The following FBXL17 variants were observed in gnomAD, a reference collection of about 807,000 sequenced individuals.
FBXL17 encodes the protein F-box/LRR-repeat protein 17.
A neutral mutation model predicts 66.2 loss-of-function variants in FBXL17; 22 were observed. That is an observed-to-expected ratio of 0.33 (90% CI 0.24 to 0.47). The LOEUF (loss-of-function observed/expected upper bound fraction) is 0.47, where lower values mean the gene tolerates loss of function less well. FBXL17 is among the 20% of genes least tolerant of loss of function. The pLI, the probability that FBXL17 is intolerant of heterozygous loss-of-function variation, is 1.00. For synonymous variants in FBXL17, 474 were observed against 400.5 expected (o/e 1.18, Z -2.19); for missense variants, 878 against 948.2 (o/e 0.93, Z 0.97).
intron 5 of FBXL17, 143 bp from the exon 6 acceptor site, chr5:108,186,390 T>C (rs1369717372): frequency 1.6e-6 from 1 of 621,532 alleles, no homozygotes; most frequent in African/African-American, 1.8e-5. Flanking sequence ...TTAAAGATAT[T>C]GTATATGTAA....
At chr5:107,925,991 G>C (rs1444491483) in intron 7 of FBXL17, among the ~76,000 whole-genome samples, 1 of 152,136 alleles carries the variant, frequency 6.6e-6, no homozygotes, top group African/African-American at 2.4e-5. Flanking sequence ...GATAAACAAA[G>C]CATCTAACAT....
chr5:108,100,254 T>A (rs963396346), intron 6 of FBXL17, among the ~76,000 whole-genome samples: 1 of 152,178 alleles, frequency 6.6e-6, no homozygotes, highest in Non-Finnish European at 1.5e-5. Flanking sequence ...AAACATTTCA[T>A]CCTATGAAAC....
chr5:108,008,153 C>A (rs1410302143), intron 7 of FBXL17, among the ~76,000 whole-genome samples: 2 of 152,154 alleles, frequency 1.3e-5, no homozygotes, highest in African/African-American at 4.8e-5. Context: ...AAAGCTGTGA[C>A]AACAAAGAAA....
chr5:108,379,445 G>C (rs566081674), intron 1 of FBXL17, among the ~76,000 whole-genome samples: 1 of 152,246 alleles, frequency 6.6e-6, no homozygotes, highest in South Asian at 2.1e-4. Flanking sequence ...ATTACATTTT[G>C]ACACAAGGAA....
intron 3 of FBXL17, among the ~76,000 whole-genome samples, chr5:108,355,233 A>T (rs1042303885): frequency 3.3e-5 from 5 of 151,700 alleles, no homozygotes; most frequent in Non-Finnish European, 7.4e-5. Flanking sequence ...TGAAGTAAAT[A>T]GTATCAATAA....
chr5:108,298,431 A>T, intron 4 of FBXL17: 1 of 971,666 alleles, frequency 1.0e-6, no homozygotes. Flanking sequence ...GATTTAAACT[A>T]AAATCTAAAC....
At chr5:108,007,507 C>A (rs1418310585) in intron 7 of FBXL17, among the ~76,000 whole-genome samples, 1 of 151,624 alleles carries the variant, frequency 6.6e-6, no homozygotes, top group African/African-American at 2.4e-5. Flanking sequence ...TCTAATTCTA[C>A]AATTTTCAAC....
At chr5:108,000,079 C>G (rs1448696009) in intron 7 of FBXL17, among the ~76,000 whole-genome samples, 2 of 152,170 alleles carry the variant, frequency 1.3e-5, no homozygotes, top group Non-Finnish European at 2.9e-5. Flanking sequence ...CTTAACTTCC[C>G]TGGATTCCTG....
At chr5:107,997,679 A>T (rs1753534341) in intron 7 of FBXL17, among the ~76,000 whole-genome samples, 1 of 152,204 alleles carries the variant, frequency 6.6e-6, no homozygotes, top group Admixed American at 6.5e-5. Context: ...ATGTCAGATG[A>T]ACAGTCTGCT....
intron 5 of FBXL17, among the ~76,000 whole-genome samples, chr5:108,195,870 T>C (rs936837766): frequency 6.6e-6 from 1 of 152,078 alleles, no homozygotes; most frequent in African/African-American, 2.4e-5. Flanking sequence ...GAGTTTTGGT[T>C]TGAGCAATCA....
At chr5:108,369,249 A>T (rs968839422) in intron 1 of FBXL17, among the ~76,000 whole-genome samples, 8 of 152,226 alleles carry the variant, frequency 5.3e-5, no homozygotes, top group Non-Finnish European at 1.2e-4. Flanking sequence ...TAAAAGACCC[A>T]AAAGAATGCA....
intron 6 of FBXL17, among the ~76,000 whole-genome samples, chr5:108,151,080 A>C (rs1751755943): frequency 6.6e-6 from 1 of 152,166 alleles, no homozygotes; most frequent in South Asian, 2.1e-4. Flanking sequence ...TGAGGCCTAT[A>C]GTTTTAGCAT....
intron 7 of FBXL17, among the ~76,000 whole-genome samples, chr5:107,943,018 C>T (rs577779381): frequency 2.0e-4 from 31 of 152,300 alleles, no homozygotes; most frequent in Admixed American, 2.0e-3. Flanking sequence ...GTTCATCCCT[C>T]CTTTGTGGAA....
intron 4 of FBXL17, among the ~76,000 whole-genome samples, chr5:108,228,452 G>A (rs1452984486): frequency 2.0e-5 from 3 of 152,110 alleles, no homozygotes; most frequent in Non-Finnish European, 2.9e-5. Context: ...CTAGCTGTGT[G>A]ATTTTCAACA....
intron 6 of FBXL17, among the ~76,000 whole-genome samples, chr5:108,058,698 TG>T (rs1747809202): frequency 6.6e-6 from 1 of 152,138 alleles, no homozygotes; most frequent in South Asian, 2.1e-4. Flanking sequence ...AAAAGGAGAA[TG>T]AAACTGAAAT....
chr5:108,328,504 T>G (rs1003837713), intron 4 of FBXL17, among the ~76,000 whole-genome samples: 1 of 151,576 alleles, frequency 6.6e-6, no homozygotes, highest in Non-Finnish European at 1.5e-5. Flanking sequence ...TGGGAAAAAA[T>G]GAAAAGAGCC....
At chr5:108,240,184 A>G (rs774904192) in intron 4 of FBXL17, among the ~76,000 whole-genome samples, 3 of 152,124 alleles carry the variant, frequency 2.0e-5, no homozygotes, top group Non-Finnish European at 2.9e-5. Flanking sequence ...AAAAGAAGAC[A>G]TTAAAGAGGA....
chr5:108,247,394 T>G (rs754785164), intron 4 of FBXL17, among the ~76,000 whole-genome samples: 5 of 152,108 alleles, frequency 3.3e-5, no homozygotes, highest in Non-Finnish European at 7.4e-5. Context: ...AATAAAAAAG[T>G]GCAGGTATCA....
At chr5:107,972,003 G>A (rs1456129025) in intron 7 of FBXL17, among the ~76,000 whole-genome samples, 1 of 152,168 alleles carries the variant, frequency 6.6e-6, no homozygotes, top group Non-Finnish European at 1.5e-5. Flanking sequence ...GAGCTCTTTA[G>A]AGCCCTCTCT....
Sources: allele counts gnomAD v4.1 joint callset (sites outside exome capture counted in the v4.1 genomes callset), GRCh38; gene constraint gnomAD v4.1.1; transcripts MANE v1.5; gene names NCBI Gene and HGNC (gene_info 2026-07-23, HGNC 2026-07-21).